The following NTMT2 variants were observed in gnomAD, a reference collection of about 807,000 sequenced individuals.
The protein encoded by NTMT2 is N-terminal Xaa-Pro-Lys N-methyltransferase 2, also known as X-Pro-Lys N-terminal protein methyltransferase 1B.
In NTMT2, 21 loss-of-function variants were observed where a neutral mutation model predicts 23.4. The ratio of observed to expected loss-of-function variants is 0.90; its 90% confidence interval spans 0.64 to 1.29. The LOEUF is 1.29. Ranked by LOEUF, NTMT2 falls within the 50% of genes most tolerant of loss-of-function variation. NTMT2 has a pLI of 0.00. For synonymous variants in NTMT2, 131 were observed against 127.7 expected, an observed-to-expected ratio of 1.03 and a Z score of -0.17; for missense variants, 336 against 352.0, an observed-to-expected ratio of 0.95 and a Z score of 0.36.
chr1:170,167,876 T>C lies in NTMT2; in HGVS notation c.*119T>C, dbSNP rs1229642590. ...GGCAAGAAAAGGGATACAACATATG[T>C]CTGCAAATTATTTGTGATATAATAT... On this transcript the variant is annotated 3_prime_UTR_variant, in exon 4 of 4. Transcript: ENST00000439373. 9.4e-6 allele frequency: 10 copies of C among 1,062,170 alleles called. No homozygotes were observed. In the East Asian group the frequency reaches 2.1e-4, roughly 22 times the overall value. 65.8% of individuals were successfully genotyped at this position (1,062,170 alleles called of 1,614,324 possible). A position where few individuals can be genotyped will look rare whatever the true frequency, so the allele number is the denominator to read the frequency against.
At chr1:170,166,012 T>C (rs533979051) in intron 2 of NTMT2, among the ~76,000 whole-genome samples, 8 of 152,162 alleles carry the variant, frequency 5.3e-5, no homozygotes, top group African/African-American at 4.8e-5. Context: ...TGCATGGCTA[T>C]TCACATTTGT....
rs1376690362 is a variant in NTMT2, at chr1:170,167,652, A to G, written c.747A>G (p.Ile249Met). Residue 249 changes from isoleucine (I) to methionine (M), a missense_variant, in exon 4 of 4, where the codon ATA becomes ATG. By Grantham distance (10) the Ile-to-Met change is conservative. Coordinates refer to ENST00000439373, the MANE Select transcript of NTMT2 (RefSeq NM_001136107.2). ...TRDMDILRSLIRKSGLVVLGQ... is the reference protein window; with the variant it reads ...TRDMDILRSLMRKSGLVVLGQ... ...ACATGGACATCCTCCGGAGCCTAAT[A>G]AGGAAGAGTGGGCTGGTGGTGCTGG... is the stretch of plus-strand genomic sequence containing the variant. 1.9e-6 allele frequency: 3 copies of G among 1,551,618 alleles called. No individual in the cohort carries two copies. The highest frequency in any genetic ancestry group is 2.6e-6 in the Non-Finnish European group (3 of 1,146,974).
intron 2 of NTMT2, among the ~76,000 whole-genome samples, chr1:170,163,715 C>A (rs1365420446): frequency 6.6e-6 from 1 of 152,102 alleles, no homozygotes; most frequent in Non-Finnish European, 1.5e-5. Flanking sequence ...ACTGGATAAA[C>A]CTAAAATAAT....
intron 1 of NTMT2, among the ~76,000 whole-genome samples, chr1:170,146,821 T>C (rs369444598): frequency 6.6e-6 from 1 of 151,946 alleles, no homozygotes; most frequent in East Asian, 1.9e-4. Flanking sequence ...AAGAAGTCAG[T>C]GGTCTGTCTC....
chr1:170,166,814 G>C (rs1673404200), intron 3 of NTMT2, 63 bp downstream of exon 3: 7 of 1,526,796 alleles, frequency 4.6e-6, no homozygotes, highest in Non-Finnish European at 6.2e-6. Context: ...GACAGTCCTT[G>C]GGGCTAATGA....
rs1276624487 is a variant in NTMT2 at position 170,159,809 on chromosome 1, A to G, written c.155-709A>G. Among the ~76,000 whole-genome samples, 3 of 152,318 alleles carry G rather than the reference A, an allele frequency of 2.0e-5. No individual in the cohort carries two copies. The East Asian group carries it at 5.8e-4, about 29-fold the overall frequency. On this transcript the variant is annotated intron_variant, in intron 1 of 3. Coordinates refer to ENST00000439373, the MANE Select transcript of NTMT2 (RefSeq NM_001136107.2). ...CATGGGTGAATTTTAGCTGCAAAAC[A>G]CACTTACGTGTACTCTCATTTATTC...
intron 1 of NTMT2, among the ~76,000 whole-genome samples, chr1:170,150,723 C>A (rs1673051906): frequency 6.6e-6 from 1 of 151,674 alleles, no homozygotes; most frequent in Non-Finnish European, 1.5e-5. Context: ...GATAGGCAGG[C>A]CAGTAAATAG....
At chr1:170,150,107 G>C (rs2102230096) in intron 1 of NTMT2, among the ~76,000 whole-genome samples, 1 of 152,250 alleles carries the variant, frequency 6.6e-6, no homozygotes, top group Non-Finnish European at 1.5e-5. Flanking sequence ...TTTGTTGTTT[G>C]GGGTAATTAT....
intron 1 of NTMT2, among the ~76,000 whole-genome samples, chr1:170,159,580 G>A (rs1421908487): frequency 6.6e-6 from 1 of 151,846 alleles, no homozygotes; most frequent in Non-Finnish European, 1.5e-5. Flanking sequence ...AAATTTATTG[G>A]AATCATGAAT....
chr1:170,154,691 A>T (rs898970199), intron 1 of NTMT2, among the ~76,000 whole-genome samples: 2 of 151,176 alleles, frequency 1.3e-5, no homozygotes, highest in African/African-American at 4.8e-5. Context: ...AGGTGGAGGA[A>T]CTCATCTCCA....
intron 1 of NTMT2, among the ~76,000 whole-genome samples, chr1:170,148,867 T>C (rs1241087666): frequency 6.6e-6 from 1 of 152,172 alleles, no homozygotes; most frequent in Non-Finnish European, 1.5e-5. Context: ...TTTTGTCTAC[T>C]AGCTCTTAAA....
intron 1 of NTMT2, among the ~76,000 whole-genome samples, chr1:170,150,863 T>C (rs922338333): frequency 6.6e-6 from 1 of 152,162 alleles, no homozygotes; most frequent in Non-Finnish European, 1.5e-5. Context: ...ATCTCCAGTG[T>C]GTATACCAGT....
chr1:170,162,407 A>C (rs471045), intron 2 of NTMT2, among the ~76,000 whole-genome samples: 121,295 of 152,184 alleles, frequency 0.8, 48,647 homozygotes, highest in Non-Finnish European at 0.84. Flanking sequence ...GAGTCCAGAG[A>C]GTGACAGTAG....
At chr1:170,155,349 CCAA>C (rs1673144406) in intron 1 of NTMT2, among the ~76,000 whole-genome samples, 1 of 152,026 alleles carries the variant, frequency 6.6e-6, no homozygotes, top group Non-Finnish European at 1.5e-5. Flanking sequence ...ATGTCTTACT[CCAA>C]CTTTTTCCTT....
chr1:170,149,169 A>G (rs1673021184), intron 1 of NTMT2, among the ~76,000 whole-genome samples: 1 of 152,260 alleles, frequency 6.6e-6, no homozygotes, highest in Admixed American at 6.5e-5. Context: ...TCAGGATTTT[A>G]TAATGTGACA....
intron 1 of NTMT2, chr1:170,151,336 T>A (rs1001999766): frequency 6.5e-6 from 1 of 154,346 alleles, no homozygotes; most frequent in Non-Finnish European, 1.5e-5. Flanking sequence ...TATCCTCTCT[T>A]GCGTTGATCC....
chr1:170,149,950 A>G (rs994761086), intron 1 of NTMT2, among the ~76,000 whole-genome samples: 9 of 152,252 alleles, frequency 5.9e-5, no homozygotes, highest in Non-Finnish European at 1.2e-4. Flanking sequence ...AAACTTAGCC[A>G]GAAGAGATGC....
intron 1 of NTMT2, among the ~76,000 whole-genome samples, chr1:170,146,757 A>G (rs1233523081): frequency 6.6e-6 from 1 of 152,198 alleles, no homozygotes; most frequent in Non-Finnish European, 1.5e-5. Context: ...CTTGAATCAC[A>G]AGAATAGTCA....
chr1:170,159,311 G>A (rs1292343185), intron 1 of NTMT2, among the ~76,000 whole-genome samples: 3 of 151,630 alleles, frequency 2.0e-5, no homozygotes, highest in African/African-American at 7.3e-5. Context: ...TAAGACAACA[G>A]ACACATTTTC....
Sources: gnomAD v4.1 joint callset for allele counts (sites outside exome capture counted in the v4.1 genomes callset) on GRCh38, gnomAD v4.1.1 for gene constraint, MANE v1.5 for transcripts, NCBI Gene and HGNC (gene_info 2026-07-23, HGNC 2026-07-21) for gene names.